Variants in TRNAU1AP observed in about 807,000 individuals in gnomAD.
TRNAU1AP encodes tRNA selenocysteine 1-associated protein 1.
In TRNAU1AP, 33 loss-of-function variants were observed where a neutral mutation model predicts 43.3. That is an observed-to-expected ratio of 0.76 (90% confidence interval 0.58 to 1.02). TRNAU1AP has a LOEUF of 1.02. Among genes scored for constraint, TRNAU1AP ranks in the 50% least tolerant of loss-of-function variants. The probability of loss-of-function intolerance (pLI) is 0.00; values close to 1 mark genes in which losing one functional copy is unlikely to be tolerated. For missense variants in TRNAU1AP, 290 were observed against 362.7 expected, an observed-to-expected ratio of 0.80 and a Z score of 1.63; for synonymous variants, 143 against 129.1, an observed-to-expected ratio of 1.11 and a Z score of -0.73.
Position 28,560,639 on chromosome 1 carries a change from A to T in TRNAU1AP, c.132A>T (p.Pro44=). ...CTATTTGCTTTTTTTCCAGGATCCC[A>T]GCTGGCTACTGCTTTGTAGAATTTG... ...KIIRNRLTGI[P]AGYCFVEFAD... is the part of the protein sequence containing the mutation. Residue 44 remains proline, a synonymous_variant, in exon 3 of 9, where the codon CCA becomes CCT. Transcript: ENST00000373830. 1 of 1,613,624 alleles carries T rather than the reference A, an allele frequency of 6.2e-7. No individual in the cohort carries two copies. Among genetic ancestry groups the T allele is most frequent in the South Asian group, 1.1e-5 (1 of 91,014 alleles).
At chr1:28,553,336 C>T (rs1015611941) in intron 1 of TRNAU1AP, 199 bp downstream of exon 1, 43 of 688,784 alleles carry the variant, frequency 6.2e-5, no homozygotes, top group Non-Finnish European at 9.3e-5. Context: ...CCTGGGGCCC[C>T]ACCTGGGTTC....
At chr1:28,567,911 C>T (rs1160915498) in intron 6 of TRNAU1AP, among the ~76,000 whole-genome samples, 4 of 152,112 alleles carry the variant, frequency 2.6e-5, no homozygotes, top group Non-Finnish European at 1.5e-5. Flanking sequence ...CACCTGTAAC[C>T]CCAGGACTTT....
rs370168068 is a variant in TRNAU1AP at position 28,571,256 on chromosome 1, A to G, written c.611A>G (p.Tyr204Cys). 4.3e-6 allele frequency: 7 copies of G among 1,614,066 alleles called. No homozygotes were observed. Among genetic ancestry groups the G allele is most frequent in the African/African-American group, 2.7e-5 (2 of 75,048 alleles). Residue 204 changes from tyrosine to cysteine, a missense_variant, in exon 7 of 9, where the codon TAT (tyrosine) becomes TGT (cysteine). By Grantham distance (194) the Tyr-to-Cys change is radical. Transcript: ENST00000373830. ...NQYYQQYQNY[Y>C]AQWGYDQNTG... The stretch of plus-strand genomic sequence containing the variant: ...TATTATCAGCAGTACCAGAACTACT[A>G]TGCTCAGTGGGGCTATGACCAGAAC...
chr1:28,559,073 T>C (rs1325210078), intron 2 of TRNAU1AP, among the ~76,000 whole-genome samples: 3 of 151,752 alleles, frequency 2.0e-5, no homozygotes, highest in African/African-American at 7.3e-5. Flanking sequence ...TTATTTTTAT[T>C]TATTTTTTAT....
chr1:28,574,891 CAT>C (rs1388067714), intron 8 of TRNAU1AP, among the ~76,000 whole-genome samples: 6 of 152,132 alleles, frequency 3.9e-5, no homozygotes, highest in Non-Finnish European at 7.3e-5. Context: ...TGTGTCCTCT[CAT>C]GTGATGCCAA....
Position 28,553,121 on chromosome 1 carries a change from G to A in TRNAU1AP, c.11G>A (p.Ser4Asn), listed in dbSNP as rs762874282. The A allele has an allele frequency of 1.8e-5, 27 of 1,522,346 alleles. No homozygotes were observed. In the Admixed American group the frequency reaches 4.1e-4, roughly 23 times the overall value. The allele number at this position is 1,522,346 out of a possible 1,614,324, so 94.3% of individuals were successfully genotyped here. Residue 4 changes from serine to asparagine, a missense_variant, in exon 1 of 9, where the codon AGC becomes AAC. Ser to Asn is a conservative substitution (Grantham distance 46). Transcript: ENST00000373830. ...CCCCGGTGCGCGGGTATGGCGGCCA[G>A]CCTGTGGATGGGCGACGTGAGTGAG... MAA[S>N]LWMGDLEPYM...
chr1:28,556,494 T>C (rs1480733767), intron 2 of TRNAU1AP, among the ~76,000 whole-genome samples: 1 of 150,742 alleles, frequency 6.6e-6, no homozygotes, highest in African/African-American at 2.4e-5. Flanking sequence ...CTGGCATAGA[T>C]TCTCACATTT....
intron 2 of TRNAU1AP, among the ~76,000 whole-genome samples, chr1:28,557,173 A>G (rs971404476): frequency 2.0e-5 from 3 of 151,172 alleles, no homozygotes; most frequent in Non-Finnish European, 4.4e-5. Context: ...TAATCCCAGC[A>G]CTTTGGGAGG....
At chr1:28,558,845 G>A (rs1665338915) in intron 2 of TRNAU1AP, among the ~76,000 whole-genome samples, 1 of 152,098 alleles carries the variant, frequency 6.6e-6, no homozygotes, top group East Asian at 1.9e-4. Context: ...GATTACAGGC[G>A]TGAGCCACCG....
rs750453081 is a variant in TRNAU1AP, at chr1:28,577,582, C to A, written c.810C>A (p.Asp270Glu). 2 of 1,614,132 alleles carry A rather than the reference C, an allele frequency of 1.2e-6. No individual in the cohort carries two copies. The highest frequency in any genetic ancestry group is 2.2e-5 in the South Asian group (2 of 91,084). ...QSEELYDALM[D>E]CHWQPLDTVS... ...AGGAGCTGTATGACGCTCTGATGGACTGTCACTGGCAGCCCCTGGACACAG... is the reference window on the plus strand; with the variant it reads ...AGGAGCTGTATGACGCTCTGATGGAATGTCACTGGCAGCCCCTGGACACAG... Residue 270 changes from aspartate to glutamate, a missense_variant, in exon 9 of 9, where the codon GAC becomes GAA. Transcript: ENST00000373830.
chr1:28,566,086 G>A (rs932974336), intron 5 of TRNAU1AP, among the ~76,000 whole-genome samples: 6 of 152,090 alleles, frequency 3.9e-5, no homozygotes, highest in Admixed American at 6.6e-5. Context: ...GGAGACAGGC[G>A]GGTGGATCAC....
chr1:28,565,041 T>A (rs1005430770), intron 5 of TRNAU1AP: 3 of 585,256 alleles, frequency 5.1e-6, no homozygotes, highest in African/African-American at 1.9e-5. Context: ...TACAGCCCCA[T>A]CTGTAAAATG....
At chr1:28,570,208 C>T (rs1366270525) in intron 6 of TRNAU1AP, among the ~76,000 whole-genome samples, 1 of 152,020 alleles carries the variant, frequency 6.6e-6, no homozygotes, top group Non-Finnish European at 1.5e-5. Context: ...CTTAGCCTCC[C>T]AAGTGGCTGG....
intron 8 of TRNAU1AP, chr1:28,574,852 C>T (rs2124219115): frequency 6.6e-6 from 1 of 152,282 alleles, no homozygotes; most frequent in East Asian, 1.9e-4. Flanking sequence ...ACAAACTTGT[C>T]TAGTTCATAA....
At chr1:28,556,396 A>G (rs12141053) in intron 2 of TRNAU1AP, among the ~76,000 whole-genome samples, 58,547 of 151,260 alleles carry the variant, frequency 0.39, 12,924 homozygotes, top group African/African-American at 0.6. Flanking sequence ...CCCAGGAGGT[A>G]GAGGTTGCAG....
chr1:28,559,809 A>G (rs191409977), intron 2 of TRNAU1AP, among the ~76,000 whole-genome samples: 11 of 152,272 alleles, frequency 7.2e-5, no homozygotes, highest in Admixed American at 4.6e-4. Context: ...GTATTCACAC[A>G]TGATAAAATG....
In TRNAU1AP at chr1:28,578,514, T is replaced by C. The variant is rs989291011; in HGVS notation, c.*878T>C. 10 of 318,566 alleles carry C rather than the reference T, an allele frequency of 3.1e-5. No homozygotes were observed. Among genetic ancestry groups the C allele is most frequent in the African/African-American group, 2.0e-4 (9 of 45,596 alleles). The allele number at this position is 318,566 out of a possible 1,614,324, so 19.7% of individuals were successfully genotyped here. ...CTCGGGAAGAGACCAGTTCGGTCTC[T>C]ACAAAAAAATACAAACACAAATATA... On this transcript the variant is annotated 3_prime_UTR_variant, in exon 9 of 9. Transcript: ENST00000373830.
chr1:28,569,995 T>C (rs1557437006), intron 6 of TRNAU1AP, among the ~76,000 whole-genome samples: 1 of 150,752 alleles, frequency 6.6e-6, no homozygotes. Context: ...AGCAAGACTC[T>C]CTCAAAACAA....
chr1:28,556,148 G>A (rs148704554), intron 2 of TRNAU1AP, among the ~76,000 whole-genome samples: 64 of 151,636 alleles, frequency 4.2e-4, no homozygotes, highest in African/African-American at 1.3e-3. Context: ...CACCGCGCCC[G>A]GCCCCTTTCT....
Sources: gnomAD v4.1 joint callset for allele counts (sites outside exome capture counted in the v4.1 genomes callset) on GRCh38, gnomAD v4.1.1 for gene constraint, MANE v1.5 for transcripts, NCBI Gene and HGNC (gene_info 2026-07-23, HGNC 2026-07-21) for gene names.